The following COL11A1 variants were observed in gnomAD, a reference collection of about 807,000 sequenced individuals.
COL11A1 encodes collagen type XI alpha 1 chain.
COL11A1 carries 74 observed loss-of-function variants against 265.2 expected under a neutral mutation model. The observed-to-expected ratio is 0.28, with a 90% CI of 0.23 to 0.34. The LOEUF (loss-of-function observed/expected upper bound fraction) is 0.34. COL11A1 is among the 10% of genes least tolerant of loss of function. The pLI, the probability that COL11A1 is intolerant of heterozygous loss-of-function variation, is 1.00. For missense variants in COL11A1, 2,165 were observed against 2,263.6 expected, an observed-to-expected ratio of 0.96 and a Z score of 0.88; for synonymous variants, 816 against 727.6, an observed-to-expected ratio of 1.12 and a Z score of -1.96.
At chr1:102,957,288 G>A (rs771544123) in intron 41 of COL11A1, among the ~76,000 whole-genome samples, 7 of 151,964 alleles carry the variant, frequency 4.6e-5, no homozygotes, top group Non-Finnish European at 8.8e-5. Flanking sequence ...TGTTCTTTTT[G>A]CAGATTAGAG....
chr1:102,975,198 TTAACATTG>T (rs1233440501), intron 35 of COL11A1, among the ~76,000 whole-genome samples: 2 of 151,902 alleles, frequency 1.3e-5, no homozygotes, highest in Non-Finnish European at 2.9e-5. Flanking sequence ...GTCTTTACTT[TTAACATTG>T]GCTAGAAACA....
chr1:102,888,411 T>G (rs1651284512), intron 62 of COL11A1, among the ~76,000 whole-genome samples, 166 bp downstream of exon 62: 1 of 152,204 alleles, frequency 6.6e-6, no homozygotes, highest in African/African-American at 2.4e-5. Flanking sequence ...CAATTAAAAT[T>G]TAAGTCTTGG....
intron 50 of COL11A1, among the ~76,000 whole-genome samples, chr1:102,915,193 A>G (rs2101036124): frequency 1.3e-5 from 2 of 152,306 alleles, no homozygotes; most frequent in South Asian, 4.1e-4. Flanking sequence ...CTAACTGGAT[A>G]CCAACCCTCC....
Position 102,934,426 on chromosome 1 carries a change from A to C in COL11A1, c.3600+23T>G, listed in dbSNP as rs2248827. On this transcript the variant is annotated intron_variant, in intron 46 of 66. Coordinates refer to ENST00000370096, the MANE Select transcript of COL11A1 (RefSeq NM_001854.4). Reference sequence around the variant, plus strand: ...GAGAAGTAGGTAGAAATGATGGAGTAAACAATGACAGGATCATCTTACCTG... The same window carrying C: ...GAGAAGTAGGTAGAAATGATGGAGTCAACAATGACAGGATCATCTTACCTG... 497 of 1,514,246 alleles carry C rather than the reference A, an allele frequency of 3.3e-4. 2 individuals are homozygous for C. The African/African-American group carries it at 6.3e-3, about 19-fold the overall frequency. 93.8% of individuals were successfully genotyped at this position (1,514,246 alleles called of 1,614,324 possible).
intron 26 of COL11A1, 58 bp downstream of exon 26, chr1:102,997,022 G>C: frequency 7.0e-7 from 1 of 1,423,916 alleles, no homozygotes; most frequent in Non-Finnish European, 9.9e-7. Context: ...ACCAAATTAA[G>C]GCATTTTCTC....
intron 5 of COL11A1, chr1:103,030,914 A>G (rs1260936031): frequency 3.3e-6 from 2 of 607,288 alleles, no homozygotes; most frequent in Non-Finnish European, 5.7e-6. Context: ...TTGCTAATAA[A>G]TTTATGTAAT....
chr1:103,071,641 C>A (rs1037560671), intron 4 of COL11A1, among the ~76,000 whole-genome samples: 17 of 151,236 alleles, frequency 1.1e-4, no homozygotes, highest in Admixed American at 6.6e-5. Context: ...AGAAGTACTT[C>A]ATTTAGAACA....
intron 4 of COL11A1, among the ~76,000 whole-genome samples, chr1:103,034,755 A>ATTT (rs71310144): frequency 1.3e-5 from 2 of 149,882 alleles, no homozygotes; most frequent in African/African-American, 4.9e-5. Context: ...CTTAATTTTC[A>ATTT]TTTTTTTTTG....
At chr1:103,021,838 CTTTTT>C (rs35291481) in intron 8 of COL11A1, 69 bp from the exon 9 acceptor site, 1 of 808,436 alleles carries the variant, frequency 1.2e-6, no homozygotes, top group African/African-American at 1.8e-5. Flanking sequence ...TTCTTTTCTT[CTTTTT>C]TTTTTTCTTT....
rs933685298 is a variant in COL11A1, at chr1:102,999,636, A to G, written c.2143-1273T>C. Among the ~76,000 whole-genome samples the G allele has an allele frequency of 5.9e-5, 9 of 151,796 alleles. No homozygotes were observed. The South Asian group carries it at 1.2e-3, about 21-fold the overall frequency. On this transcript the variant is annotated intron_variant, in intron 24 of 66. Coordinates refer to ENST00000370096, the MANE Select transcript of COL11A1 (RefSeq NM_001854.4). Reference sequence around the variant, plus strand: ...TTAATTAACTTAAATTTTATGAAATATTTTTACCAAAAATAAAAGCACAGG... The same window carrying G: ...TTAATTAACTTAAATTTTATGAAATGTTTTTACCAAAAATAAAAGCACAGG...
chr1:102,879,894 C>T lies in COL11A1; in HGVS notation c.5063G>A (p.Gly1688Glu). The T allele has an allele frequency of 6.2e-7, 1 of 1,612,876 alleles. No homozygotes were observed. The highest frequency in any genetic ancestry group is 8.5e-7 in the Non-Finnish European group (1 of 1,179,014). ...GKLLSYLDVE[G>E]NSINMVQMTF... ...CATTTGCACCATATTGATGGAATTT[C>T]CTTCAACATCTAAGTATGAAAGCTA... is the stretch of plus-strand genomic sequence containing the variant. Residue 1688 changes from glycine (G) to glutamate (E), a missense_variant, in exon 66 of 67, where the codon GGA (glycine) becomes GAA (glutamate). By Grantham distance (98) the Gly-to-Glu change is moderately conservative (BLOSUM62 -2). Transcript: ENST00000370096.
At chr1:102,975,011 T>C (rs896732134) in intron 35 of COL11A1, 128 bp from the exon 36 acceptor site, 2 of 734,980 alleles carry the variant, frequency 2.7e-6, no homozygotes, top group Non-Finnish European at 4.9e-6. Flanking sequence ...GTGACAGAAC[T>C]ATGGTAATAC....
At chr1:102,921,883 T>C (rs1419558565) in intron 47 of COL11A1, among the ~76,000 whole-genome samples, 1 of 152,220 alleles carries the variant, frequency 6.6e-6, no homozygotes, top group Non-Finnish European at 1.5e-5. Context: ...CTAGAATATG[T>C]TACAACATAA....
intron 1 of COL11A1, among the ~76,000 whole-genome samples, chr1:103,102,170 G>C (rs1674331368): frequency 6.6e-6 from 1 of 151,898 alleles, no homozygotes; most frequent in South Asian, 2.1e-4. Context: ...ACCATATTAG[G>C]GTTTTGAAGG....
Position 102,995,905 on chromosome 1 carries a change from C to T in COL11A1, c.2299G>A (p.Ala767Thr). 2 of 1,611,968 alleles carry T rather than the reference C, an allele frequency of 1.2e-6. No homozygotes were observed. Among genetic ancestry groups the T allele is most frequent in the Non-Finnish European group, 1.7e-6 (2 of 1,178,984 alleles). Reference sequence around the variant, plus strand: ...CCCTTGAGACCTCTGACACCATCTGCTCCCTGTGGAATAAATTAGAAGTAT... The same window carrying T: ...CCCTTGAGACCTCTGACACCATCTGTTCCCTGTGGAATAAATTAGAAGTAT... Reference protein sequence around the residue: ...GYPGPRGVKGADGVRGLKGSK... With the variant: ...GYPGPRGVKGTDGVRGLKGSK... The change falls in exon 28 of 67, where the codon GCA becomes ACA. Residue 767 changes from alanine (A) to threonine (T), a missense_variant. Physicochemically the swap from Ala to Thr is moderately conservative, Grantham distance 58 (BLOSUM62 0). Transcript: ENST00000370096.
At chr1:103,096,664 A>T (rs952944675) in intron 1 of COL11A1, among the ~76,000 whole-genome samples, 2 of 152,020 alleles carry the variant, frequency 1.3e-5, no homozygotes, top group African/African-American at 4.8e-5. Flanking sequence ...CAATGACATG[A>T]TTACTTTAAA....
intron 4 of COL11A1, among the ~76,000 whole-genome samples, chr1:103,064,606 G>T (rs1284159921): frequency 1.3e-5 from 2 of 150,638 alleles, no homozygotes; most frequent in Admixed American, 6.7e-5. Flanking sequence ...CAGGAGAATG[G>T]TGTGAACCCG....
chr1:102,967,293 T>G (rs1311467952), intron 37 of COL11A1, among the ~76,000 whole-genome samples: 2 of 124,972 alleles, frequency 1.6e-5, no homozygotes, highest in Non-Finnish European at 1.6e-5. Flanking sequence ...CAGGCTGGAG[T>G]GCAGTGGCGC....
chr1:103,044,664 T>G (rs1669104900), intron 4 of COL11A1, among the ~76,000 whole-genome samples: 2 of 152,124 alleles, frequency 1.3e-5, no homozygotes, highest in South Asian at 4.1e-4. Context: ...CCCACTTCCT[T>G]GTCTGCTATA....
Sources: allele counts gnomAD v4.1 joint callset (sites outside exome capture counted in the v4.1 genomes callset), GRCh38; gene constraint gnomAD v4.1.1; transcripts MANE v1.5; gene names NCBI Gene and HGNC (gene_info 2026-07-23, HGNC 2026-07-21).